The following ATRNL1 variants were observed in gnomAD, a reference collection of about 807,000 sequenced individuals.
ATRNL1 encodes attractin-like protein 1.
In ATRNL1, 95 loss-of-function variants were observed where a neutral mutation model predicts 182.7. The observed-to-expected ratio is 0.52, with a 90% CI of 0.44 to 0.62. ATRNL1 has a LOEUF of 0.62. Among genes scored for constraint, ATRNL1 ranks in the 20% least tolerant of loss-of-function variants. The pLI, the probability that ATRNL1 is intolerant of heterozygous loss-of-function variation, is 0.00. For missense variants in ATRNL1, 1,471 were observed against 1,679.5 expected (o/e 0.88, Z 2.17); for synonymous variants, 576 against 568.3 (o/e 1.01, Z -0.19).
intron 19 of ATRNL1, among the ~76,000 whole-genome samples, chr10:115,357,413 A>T (rs1317432360): frequency 1.3e-5 from 2 of 151,908 alleles, no homozygotes; most frequent in Non-Finnish European, 2.9e-5. Context: ...TGCATTGCTC[A>T]AATAGTGCAT....
chr10:115,709,460 C>A (rs1361722499), intron 26 of ATRNL1, among the ~76,000 whole-genome samples: 1 of 151,854 alleles, frequency 6.6e-6, no homozygotes, highest in Non-Finnish European at 1.5e-5. Flanking sequence ...TCTGGTATCA[C>A]AAACTTATTC....
At chr10:115,561,266 A>T (rs1187417054) in intron 26 of ATRNL1, among the ~76,000 whole-genome samples, 1 of 152,198 alleles carries the variant, frequency 6.6e-6, no homozygotes, top group Non-Finnish European at 1.5e-5. Context: ...TTGTATCTAC[A>T]TATGCAAAGG....
intron 26 of ATRNL1, among the ~76,000 whole-genome samples, chr10:115,721,004 T>G (rs1947405261): frequency 6.6e-6 from 1 of 152,204 alleles, no homozygotes; most frequent in African/African-American, 2.4e-5. Context: ...AGTTAATGAT[T>G]GAATCCACTG....
chr10:115,387,170 A>G (rs1554952895), intron 19 of ATRNL1, among the ~76,000 whole-genome samples: 1 of 152,112 alleles, frequency 6.6e-6, no homozygotes, highest in South Asian at 2.1e-4. Context: ...TCAGTAAACT[A>G]TCGCAAGGAC....
At chr10:115,792,512 A>G (rs1555081977) in intron 27 of ATRNL1, among the ~76,000 whole-genome samples, 2 of 152,230 alleles carry the variant, frequency 1.3e-5, no homozygotes, top group East Asian at 3.9e-4. Context: ...CTAAAACAGT[A>G]TGCAGTAAGT....
chr10:115,539,117 C>G (rs567187149), intron 25 of ATRNL1, among the ~76,000 whole-genome samples: 1 of 152,100 alleles, frequency 6.6e-6, no homozygotes, highest in Non-Finnish European at 1.5e-5. Flanking sequence ...GAACATATCC[C>G]CATTAGTAAG....
At chr10:115,134,709 A>G (rs1335948145) in intron 5 of ATRNL1, among the ~76,000 whole-genome samples, 2 of 152,222 alleles carry the variant, frequency 1.3e-5, no homozygotes, top group Non-Finnish European at 2.9e-5. Context: ...TCCTGATACC[A>G]AAGCCTGGCA....
At chr10:115,253,911 T>C (rs1490989505) in intron 10 of ATRNL1, among the ~76,000 whole-genome samples, 1 of 152,170 alleles carries the variant, frequency 6.6e-6, no homozygotes, top group Non-Finnish European at 1.5e-5. Flanking sequence ...TTGTGATAGT[T>C]TGCTGAGAAT....
intron 10 of ATRNL1, among the ~76,000 whole-genome samples, chr10:115,247,949 CAT>C (rs1254161569): frequency 6.6e-6 from 1 of 152,008 alleles, no homozygotes; most frequent in Non-Finnish European, 1.5e-5. Context: ...TGTTTTCACT[CAT>C]ATGTGGAAGC....
chr10:115,187,670 GTTTTTTTTTT>G (rs557762991), intron 8 of ATRNL1, among the ~76,000 whole-genome samples: 1 of 111,864 alleles, frequency 8.9e-6, no homozygotes, highest in Admixed American at 9.7e-5. Flanking sequence ...AGGGTGCTTG[GTTTTTTTTTT>G]TTTTTTTTTT....
At position 115,241,654 on chromosome 10, in the gene ATRNL1, A is replaced by G. The variant is rs368780723; in HGVS notation, c.1616A>G (p.Asn539Ser). ...GGAGCTATGCTTATTTTTGGAGGAA[A>G]TACCCATAATGACACTTCCTTGAGT... ...INGAMLIFGG[N>S]THNDTSLSNG... is the part of the protein sequence containing the mutation. The change falls in exon 10 of 29, where the codon AAT becomes AGT. Residue 539 changes from asparagine to serine, a missense_variant. Coordinates refer to ENST00000355044, the MANE Select transcript of ATRNL1 (RefSeq NM_207303.4). The G allele has an allele frequency of 2.4e-5, 39 of 1,611,528 alleles. No individual in the cohort carries two copies. Among genetic ancestry groups the G allele is most frequent in the Non-Finnish European group, 3.2e-5 (38 of 1,178,320 alleles).
intron 26 of ATRNL1, among the ~76,000 whole-genome samples, chr10:115,672,734 G>A (rs1229834589): frequency 6.6e-6 from 1 of 151,994 alleles, no homozygotes; most frequent in East Asian, 1.9e-4. Flanking sequence ...TTACTAAGTT[G>A]TTACATTGGC....
At chr10:115,240,082 A>G (rs1392672922) in intron 9 of ATRNL1, among the ~76,000 whole-genome samples, 1 of 151,918 alleles carries the variant, frequency 6.6e-6, no homozygotes, top group Non-Finnish European at 1.5e-5. Flanking sequence ...GCCATAGACT[A>G]TTGCTGTTCT....
intron 26 of ATRNL1, among the ~76,000 whole-genome samples, chr10:115,661,960 G>C (rs1049983274): frequency 7.8e-6 from 1 of 128,910 alleles, no homozygotes; most frequent in Admixed American, 9.6e-5. Flanking sequence ...CCCAGTGTGC[G>C]ATGTTCCCCT....
At chr10:115,286,534 G>C (rs1592381921) in intron 15 of ATRNL1, 137 bp downstream of exon 15, 1 of 549,346 alleles carries the variant, frequency 1.8e-6, no homozygotes, top group East Asian at 3.1e-5. Context: ...AAGTGAATTG[G>C]CAGAAGACTT....
At chr10:115,165,375 G>A (rs1554884116) in intron 6 of ATRNL1, among the ~76,000 whole-genome samples, 183 bp from the exon 7 acceptor site, 1 of 151,894 alleles carries the variant, frequency 6.6e-6, no homozygotes, top group African/African-American at 2.4e-5. Flanking sequence ...TTTAGTGTAG[G>A]TATATCTTGA....
At chr10:115,368,027 T>C (rs1857156614) in intron 19 of ATRNL1, among the ~76,000 whole-genome samples, 2 of 152,182 alleles carry the variant, frequency 1.3e-5, no homozygotes, top group African/African-American at 4.8e-5. Context: ...GCAGGCCTCC[T>C]TGAGCTGTGG....
chr10:115,553,436 T>G (rs1319114304), intron 26 of ATRNL1, among the ~76,000 whole-genome samples: 1 of 151,400 alleles, frequency 6.6e-6, no homozygotes, highest in African/African-American at 2.4e-5. Flanking sequence ...TTTAAAAATA[T>G]TTTAATGTAG....
chr10:115,679,443 T>C (rs1349387280), intron 26 of ATRNL1, among the ~76,000 whole-genome samples: 2 of 152,068 alleles, frequency 1.3e-5, no homozygotes, highest in Non-Finnish European at 2.9e-5. Flanking sequence ...TGCAGGTTTT[T>C]TTTAGAGATG....
Sources: allele counts gnomAD v4.1 joint callset (sites outside exome capture counted in the v4.1 genomes callset), GRCh38; gene constraint gnomAD v4.1.1; transcripts MANE v1.5; gene names NCBI Gene and HGNC (gene_info 2026-07-23, HGNC 2026-07-21).